PNPLA8: variants seen among roughly 807,000 people sequenced by gnomAD.
The protein encoded by PNPLA8 is calcium-independent phospholipase A2-gamma.
A neutral mutation model predicts 76.9 loss-of-function variants in PNPLA8; 39 were observed. That is an observed-to-expected ratio of 0.51 (90% confidence interval 0.39 to 0.66). The LOEUF (loss-of-function observed/expected upper bound fraction) is 0.66, where lower values mean the gene tolerates loss of function less well. Among genes scored for constraint, PNPLA8 ranks in the 30% least tolerant of loss-of-function variants. PNPLA8 has a pLI of 0.00. For synonymous variants in PNPLA8, 301 were observed against 307.9 expected (o/e 0.98, Z 0.24); for missense variants, 887 against 918.0 (o/e 0.97, Z 0.44).
At chr7:108,496,280 T>C (rs1039048560) in intron 7 of PNPLA8, 9 of 222,320 alleles carry the variant, frequency 4.0e-5, no homozygotes, top group African/African-American at 2.1e-4. Context: ...TTAGAATGAC[T>C]TGAGACACAT....
Position 108,515,324 on chromosome 7 carries a change from T to C in PNPLA8, c.168A>G (p.Arg56=), listed in dbSNP as rs775273946. The C allele has an allele frequency of 2.0e-5, 32 of 1,613,386 alleles. No homozygotes were observed. The highest frequency in any genetic ancestry group is 2.5e-5 in the Non-Finnish European group (30 of 1,179,784). Reference sequence around the variant, plus strand: ...GTGCTTCACTTTTGGTCCATTTACATCTTATTATGTTTGTATGAAAACCTC... The same window carrying C: ...GTGCTTCACTTTTGGTCCATTTACACCTTATTATGTTTGTATGAAAACCTC... The part of the protein sequence containing the change: ...LQRGFHTNII[R]CKWTKSEAHS... Residue 56 remains arginine (R), a synonymous_variant, in exon 3 of 11, where the codon AGA becomes AGG. Coordinates refer to ENST00000257694, the MANE Select transcript of PNPLA8 (RefSeq NM_001256007.3).
At chr7:108,474,941 A>C (rs1052165871) in intron 10 of PNPLA8, among the ~76,000 whole-genome samples, 3 of 152,190 alleles carry the variant, frequency 2.0e-5, no homozygotes, top group African/African-American at 7.2e-5. Context: ...GCTGCACAGC[A>C]GGGGGTGAGT....
intron 9 of PNPLA8, chr7:108,480,819 A>C: frequency 3.4e-6 from 1 of 291,914 alleles, no homozygotes. Context: ...ATTTGTGTAA[A>C]TATTACCACA....
At position 108,471,390 on chromosome 7, in the gene PNPLA8, T is replaced by C. The variant is rs1017035864; in HGVS notation, c.*1011A>G. 1 of 152,018 alleles carries C rather than the reference T, an allele frequency of 6.6e-6. No individual in the cohort carries two copies. The highest frequency in any genetic ancestry group is 1.5e-5 in the Non-Finnish European group (1 of 68,024). The allele number at this position is 152,018 out of a possible 1,614,324, so 9.4% of individuals were successfully genotyped here. A position where few individuals can be genotyped will look rare whatever the true frequency, so the allele number is the denominator to read the frequency against. ...CCACCATGCCGGGCTAATGTTTGTA[T>C]TTTTATTAGAGACGAGGTTTCACCG... On this transcript the variant is annotated 3_prime_UTR_variant, in exon 11 of 11. Coordinates refer to ENST00000257694, the MANE Select transcript of PNPLA8 (RefSeq NM_001256007.3).
intron 4 of PNPLA8, among the ~76,000 whole-genome samples, chr7:108,508,708 A>T (rs1378745602): frequency 6.6e-6 from 1 of 151,438 alleles, no homozygotes; most frequent in Non-Finnish European, 1.5e-5. Flanking sequence ...AAAAGAGCCC[A>T]CATTGCCAAG....
intron 1 of PNPLA8, among the ~76,000 whole-genome samples, chr7:108,524,591 G>T (rs1190853304): frequency 6.6e-6 from 1 of 152,208 alleles, no homozygotes; most frequent in Non-Finnish European, 1.5e-5. Context: ...TTGGGAGGCC[G>T]AGGCGGGCGG....
chr7:108,487,697 A>G (rs1860840168), intron 9 of PNPLA8, 62 bp downstream of exon 9: 2 of 991,680 alleles, frequency 2.0e-6, no homozygotes, highest in Non-Finnish European at 3.0e-6. Context: ...ATGACATTTA[A>G]TAAGTGCTGA....
intron 7 of PNPLA8, among the ~76,000 whole-genome samples, chr7:108,494,799 T>C (rs149326019): frequency 0.018 from 2,705 of 152,288 alleles, 89 homozygotes; most frequent in African/African-American, 0.061. Context: ...TTTGGCTAAA[T>C]GAAGATGTTT....
chr7:108,481,747 T>C (rs1233199925), intron 9 of PNPLA8, among the ~76,000 whole-genome samples: 1 of 152,210 alleles, frequency 6.6e-6, no homozygotes, highest in African/African-American at 2.4e-5. Context: ...TTGTAAGAAG[T>C]CTTCCCCCAA....
At chr7:108,503,356 C>A (rs1157831518) in intron 4 of PNPLA8, among the ~76,000 whole-genome samples, 1 of 152,158 alleles carries the variant, frequency 6.6e-6, no homozygotes, top group African/African-American at 2.4e-5. Flanking sequence ...AGCTATAATT[C>A]TGCTGTGCAA....
Position 108,526,087 on chromosome 7 carries a change from AC to A in PNPLA8, c.-189del. ...GGCGACTCGCTCGTTCCCGGCAATGACGTCCACTCCAACCGGCCTGCATCAG... is the reference window on the plus strand; with the variant it reads ...GGCGACTCGCTCGTTCCCGGCAATGAGTCCACTCCAACCGGCCTGCATCAG... On this transcript the variant is annotated 5_prime_UTR_variant, in exon 1 of 11. The change creates a premature stop within an existing upstream ORF in the 5' untranslated region. Coordinates refer to ENST00000257694, the MANE Select transcript of PNPLA8 (RefSeq NM_001256007.3). The A allele has an allele frequency of 1.0e-6, 1 of 985,638 alleles. No homozygotes were observed. The highest frequency in any genetic ancestry group is 1.2e-6 in the Non-Finnish European group (1 of 830,038). The allele number at this position is 985,638 out of a possible 1,614,324, so 61.1% of individuals were successfully genotyped here.
chr7:108,486,741 A>G (rs766524811), intron 9 of PNPLA8, among the ~76,000 whole-genome samples: 59 of 152,168 alleles, frequency 3.9e-4, no homozygotes, highest in Non-Finnish European at 6.3e-4. Context: ...GATCCATTAG[A>G]AAGTTTTGAA....
chr7:108,501,579 T>C (rs1861951655), intron 5 of PNPLA8, among the ~76,000 whole-genome samples: 1 of 152,100 alleles, frequency 6.6e-6, no homozygotes, highest in Non-Finnish European at 1.5e-5. Context: ...TCACAGCACT[T>C]TGGGAGGCCA....
intron 8 of PNPLA8, among the ~76,000 whole-genome samples, chr7:108,488,247 C>T (rs1860890471): frequency 6.6e-6 from 1 of 152,130 alleles, no homozygotes; most frequent in Admixed American, 6.5e-5. Context: ...CATTTCTAGA[C>T]CTTTACATAA....
chr7:108,477,011 A>G (rs1860046355), intron 10 of PNPLA8, among the ~76,000 whole-genome samples: 1 of 152,212 alleles, frequency 6.6e-6, no homozygotes, highest in African/African-American at 2.4e-5. Context: ...ATGTTGGTCA[A>G]AGGGTACAAA....
chr7:108,485,465 T>G (rs1450056617), intron 9 of PNPLA8, among the ~76,000 whole-genome samples: 1 of 152,134 alleles, frequency 6.6e-6, no homozygotes, highest in Non-Finnish European at 1.5e-5. Flanking sequence ...TTAATTAACC[T>G]CTACTACAAT....
chr7:108,485,255 T>C (rs925972672), intron 9 of PNPLA8, among the ~76,000 whole-genome samples: 2 of 152,150 alleles, frequency 1.3e-5, no homozygotes, highest in African/African-American at 4.8e-5. Context: ...CATATTATGC[T>C]ACTACTTGGG....
chr7:108,472,751 C>A, intron 10 of PNPLA8, 76 bp from the exon 11 acceptor site: 1 of 1,044,986 alleles, frequency 9.6e-7, no homozygotes, highest in Non-Finnish European at 1.3e-6. Context: ...GTTAATTTGT[C>A]TTTATTTAAA....
chr7:108,486,044 G>T (rs1003131841), intron 9 of PNPLA8, among the ~76,000 whole-genome samples: 2 of 151,984 alleles, frequency 1.3e-5, no homozygotes, highest in African/African-American at 4.8e-5. Context: ...ATGTCTAAGC[G>T]TGAACAGAAA....
Sources: gnomAD v4.1 joint callset for allele counts (sites outside exome capture counted in the v4.1 genomes callset) on GRCh38, gnomAD v4.1.1 for gene constraint, MANE v1.5 for transcripts, NCBI Gene and HGNC (gene_info 2026-07-23, HGNC 2026-07-21) for gene names.